Variants in MB observed in about 807,000 individuals in gnomAD.
MB encodes myoglobin, also known as nitrite reductase MB.
MB carries 10 observed loss-of-function variants against 14.5 expected under a neutral mutation model. The ratio of observed to expected loss-of-function variants is 0.69; its 90% CI spans 0.43 to 1.17. The LOEUF (loss-of-function observed/expected upper bound fraction) is 1.17. Ranked by LOEUF, MB falls within the 50% of genes most tolerant of loss-of-function variation. The pLI is 0.00. For synonymous variants in MB, 89 were observed against 78.6 expected (o/e 1.13, Z -0.70); for missense variants, 169 against 192.7 (o/e 0.88, Z 0.73).
chr22:35,621,248 A>G (rs1923442492), upstream of MB, among the ~76,000 whole-genome samples: 1 of 152,188 alleles, frequency 6.6e-6, no homozygotes, highest in South Asian at 2.1e-4. Context: ...TGCAGGGCAC[A>G]TTAGTCTGAT....
rs541287161 is a variant in MB at position 35,617,219 on chromosome 22, G to C, written c.39C>G (p.Asn13Lys). ...TGTCAGCCTCCACCTTCCCCCAGAC[G>C]TTCAGCACCAACTGCCATTCCCCGT... The part of the protein sequence containing the change: ...LSDGEWQLVL[N>K]VWGKVEADIP... Residue 13 changes from asparagine (N) to lysine (K), a missense_variant, in exon 1 of 3, where the codon AAC becomes AAG. Transcript: ENST00000397326. 6.2e-7 allele frequency: 1 copy of C among 1,614,104 alleles called. No homozygotes were observed.
rs781521388 is a variant in MB, at chr22:35,607,288, G to A, written c.*9C>T. 4.5e-5 allele frequency: 73 copies of A among 1,608,104 alleles called. No homozygotes were observed. Among genetic ancestry groups the A allele is most frequent in the African/African-American group, 1.1e-4 (8 of 74,800 alleles). ...GGCCCAGATGGGTGGGGGTGGGAGC[G>A]GCAGGGGCCTAGCCCTGGAAGCCCA... On this transcript the variant is annotated 3_prime_UTR_variant, in exon 3 of 3. Transcript: ENST00000397326.
intron 2 of MB, among the ~76,000 whole-genome samples, chr22:35,609,421 C>T (rs367574099): frequency 1.3e-5 from 2 of 152,120 alleles, no homozygotes; most frequent in South Asian, 2.1e-4. Context: ...CAGGCAGGGA[C>T]GGCCTCACAT....
At chr22:35,621,703 C>T (rs1038512750), upstream of MB, among the ~76,000 whole-genome samples, 3 of 152,196 alleles carry the variant, frequency 2.0e-5, no homozygotes, top group African/African-American at 4.8e-5. Flanking sequence ...CACTTCCTTG[C>T]GGCAGCTCCG....
chr22:35,621,721 C>T (rs950249601), upstream of MB, among the ~76,000 whole-genome samples: 2 of 152,218 alleles, frequency 1.3e-5, no homozygotes, highest in Non-Finnish European at 2.9e-5. Flanking sequence ...CCGCCTGCTC[C>T]TTGGGGATAT....
chr22:35,619,201 A>G (rs1012952559), upstream of MB, among the ~76,000 whole-genome samples: 35 of 152,218 alleles, frequency 2.3e-4, no homozygotes, highest in African/African-American at 8.4e-4. Flanking sequence ...GGAGATAACT[A>G]AGAGGAATGA....
chr22:35,611,280 C>A (rs1000573299), intron 1 of MB, among the ~76,000 whole-genome samples, 174 bp from the exon 2 acceptor site: 5 of 152,118 alleles, frequency 3.3e-5, no homozygotes, highest in African/African-American at 1.2e-4. Context: ...ATAACTTGTC[C>A]CTACTTGAAG....
At chr22:35,617,127 G>A in intron 1 of MB, 36 bp downstream of exon 1, 1 of 1,520,256 alleles carries the variant, frequency 6.6e-7, no homozygotes, top group Non-Finnish European at 9.1e-7. Flanking sequence ...ATCTTAGGGT[G>A]TGGGTGGCAG....
intron 1 of MB, among the ~76,000 whole-genome samples, chr22:35,611,853 C>T (rs564765757): frequency 1.3e-5 from 2 of 152,026 alleles, no homozygotes; most frequent in African/African-American, 2.4e-5. Flanking sequence ...TCCTTCCTGC[C>T]CACCTCCAGC....
At chr22:35,610,511 G>A (rs905977070) in intron 2 of MB, among the ~76,000 whole-genome samples, 1 of 152,134 alleles carries the variant, frequency 6.6e-6, no homozygotes, top group African/African-American at 2.4e-5. Flanking sequence ...TCCACCTCCT[G>A]TGACCGTGGA....
chr22:35,615,544 A>G (rs1043600320), intron 1 of MB: 1 of 152,148 alleles, frequency 6.6e-6, no homozygotes, highest in South Asian at 2.1e-4. Flanking sequence ...CCTTGGAAAG[A>G]CCTCTGCTCT....
chr22:35,614,391 C>T (rs1167278097), intron 1 of MB, among the ~76,000 whole-genome samples: 2 of 151,788 alleles, frequency 1.3e-5, no homozygotes, highest in African/African-American at 2.4e-5. Flanking sequence ...AGTTCGAGAC[C>T]AGCCTGGCCA....
At chr22:35,609,096 A>T (rs1464859480) in intron 2 of MB, among the ~76,000 whole-genome samples, 1 of 152,120 alleles carries the variant, frequency 6.6e-6, no homozygotes, top group Non-Finnish European at 1.5e-5. Flanking sequence ...TTTCTATCCA[A>T]CACTCGGCTT....
upstream of MB, among the ~76,000 whole-genome samples, chr22:35,619,306 T>A (rs1039828533): frequency 1.3e-5 from 2 of 152,232 alleles, no homozygotes; most frequent in Non-Finnish European, 2.9e-5. Context: ...AGTGGCTGCT[T>A]GGCAAGATTA....
intron 1 of MB, chr22:35,615,483 C>T (rs376930521): frequency 2.8e-4 from 43 of 152,424 alleles, no homozygotes; most frequent in African/African-American, 1.0e-3. Flanking sequence ...CACCCTGAGT[C>T]TCTTTCAAGA....
upstream of MB, among the ~76,000 whole-genome samples, chr22:35,620,374 A>G (rs1923386176): frequency 1.3e-5 from 2 of 152,172 alleles, no homozygotes. Context: ...GATCTCATTC[A>G]TTCATTCAGT....
upstream of MB, among the ~76,000 whole-genome samples, chr22:35,619,694 T>C (rs1056968135): frequency 4.6e-5 from 7 of 152,174 alleles, no homozygotes; most frequent in Non-Finnish European, 8.8e-5. Flanking sequence ...TAATAGGAAA[T>C]GTAGCTAGAA....
upstream of MB, among the ~76,000 whole-genome samples, chr22:35,618,821 A>C (rs1055288376): frequency 3.4e-5 from 5 of 148,984 alleles, no homozygotes; most frequent in African/African-American, 1.0e-4. Context: ...TCATCCATCC[A>C]CCCATCCCCT....
chr22:35,617,438 A>T, upstream of MB: 1 of 588,134 alleles, frequency 1.7e-6, no homozygotes, highest in Non-Finnish European at 3.0e-6. Context: ...TCTCTCTCTC[A>T]TCCAGGGAGG....
Sources: allele counts gnomAD v4.1 joint callset (sites outside exome capture counted in the v4.1 genomes callset), GRCh38; gene constraint gnomAD v4.1.1; transcripts MANE v1.5; gene names NCBI Gene and HGNC (gene_info 2026-07-23, HGNC 2026-07-21).